The following LAMA5 variants were observed in gnomAD, a reference collection of about 807,000 sequenced individuals.
LAMA5 encodes the protein laminin subunit alpha-5.
LAMA5 carries 260 observed loss-of-function variants against 433.4 expected under a neutral mutation model. The observed-to-expected ratio is 0.60, with a 90% confidence interval of 0.54 to 0.66. The LOEUF (loss-of-function observed/expected upper bound fraction) is 0.66, where lower values mean the gene tolerates loss of function less well. Ranked by LOEUF, LAMA5 falls within the 30% of genes least tolerant of loss-of-function variation. The pLI is 0.00. For synonymous variants in LAMA5, 2,620 were observed against 2,226.6 expected, an observed-to-expected ratio of 1.18 and a Z score of -4.97; for missense variants, 5,378 against 5,258.5, an observed-to-expected ratio of 1.02 and a Z score of -0.70.
chr20:62,333,354 C>T, intron 25 of LAMA5, 21 bp downstream of exon 25: 1 of 1,605,690 alleles, frequency 6.2e-7, no homozygotes, highest in African/African-American at 1.4e-5. Flanking sequence ...ACCCCGGTCC[C>T]ACCGCACGCA....
Position 62,324,520 on chromosome 20 carries a change from C to A in LAMA5, c.5564G>T (p.Gly1855Val). ...AGGGACACATCGGCCCAGGAAGAGACCTTTGACGTCCCGATAGAAGCCGGG... is the reference window on the plus strand; with the variant it reads ...AGGGACACATCGGCCCAGGAAGAGAACTTTGACGTCCCGATAGAAGCCGGG... ...CAPGFYRDVK[G>V]LFLGRCVPCQ... Residue 1855 changes from glycine to valine, a missense_variant, in exon 42 of 80, where the codon GGT becomes GTT. By Grantham distance (109) the Gly-to-Val change is moderately radical. Coordinates refer to ENST00000252999, the MANE Select transcript of LAMA5 (RefSeq NM_005560.6). The surrounding 1 kb of genome is among the most constrained non-coding windows in gnomAD (Gnocchi z 4.4). The A allele has an allele frequency of 6.2e-7, 1 of 1,612,030 alleles. No individual in the cohort carries two copies. The highest frequency in any genetic ancestry group is 8.5e-7 in the Non-Finnish European group (1 of 1,179,614).
At chr20:62,337,183 C>CCA (rs1289356684) in intron 16 of LAMA5, among the ~76,000 whole-genome samples, 2 of 92,338 alleles carry the variant, frequency 2.2e-5, no homozygotes, top group African/African-American at 4.3e-5. Context: ...ATACGCGCAC[C>CCA]CACTTATGCG....
intron 28 of LAMA5, 122 bp downstream of exon 28, chr20:62,332,250 G>T: frequency 1.4e-6 from 1 of 691,150 alleles, no homozygotes; most frequent in African/African-American, 1.8e-5. Context: ...GCTGGGCTGG[G>T]CATGAGCGAG....
At chr20:62,330,393 T>A (rs1355751797) in intron 31 of LAMA5, 95 bp downstream of exon 31, 18 of 1,417,084 alleles carry the variant, frequency 1.3e-5, no homozygotes, top group Non-Finnish European at 1.7e-5. Flanking sequence ...ATGTTGCCTG[T>A]CGCTCATAGC....
intron 40 of LAMA5, among the ~76,000 whole-genome samples, chr20:62,326,232 C>G (rs201080512): frequency 1.1e-4 from 7 of 63,688 alleles, no homozygotes; most frequent in African/African-American, 1.4e-4. Flanking sequence ...AACAAACAAA[C>G]AAAAAAAAAA....
At position 62,318,644 on chromosome 20, in the gene LAMA5, G is replaced by A. The variant is rs1252560312; in HGVS notation, c.7049C>T (p.Ala2350Val). Residue 2350 changes from alanine to valine, a missense_variant, in exon 53 of 80, where the codon GCC becomes GTC. Coordinates refer to ENST00000252999, the MANE Select transcript of LAMA5 (RefSeq NM_005560.6). ...GCTGCTCAGCTGCTCCTGCACCCGG[G>A]CCAGCACTAGCCGAGACCAGGGTGA... ...AELAAAQRLL[A>V]RVQEQLSSLW... 6.2e-7 allele frequency: 1 copy of A among 1,609,528 alleles called. No individual in the cohort carries two copies.
chr20:62,333,713 G>A lies in LAMA5; in HGVS notation c.2879-7C>T, dbSNP rs200673450. 2.8e-4 allele frequency: 441 copies of A among 1,576,534 alleles called. 5 individuals carry two copies. The East Asian group carries it at 9.2e-3, about 33-fold the overall frequency. ...GGCTGACTCTGTGCTGTGCCTGGGC[G>A]GGGGCAGGGGTGAGACTCCTGAGCC... On this transcript the variant is annotated splice_region_variant and splice_polypyrimidine_tract_variant and intron_variant, in intron 23 of 79. Transcript: ENST00000252999.
chr20:62,366,633 G>T (rs561446142), intron 1 of LAMA5, among the ~76,000 whole-genome samples: 2 of 152,332 alleles, frequency 1.3e-5, no homozygotes, highest in South Asian at 4.1e-4. Context: ...GCCCTCCCCG[G>T]GATCCCGGAC....
At chr20:62,325,689 A>T in intron 40 of LAMA5, 143 bp from the exon 41 acceptor site, 1 of 568,818 alleles carries the variant, frequency 1.8e-6, no homozygotes, top group Non-Finnish European at 3.1e-6. Flanking sequence ...TAGAAAAACC[A>T]GTCTCCCATG....
rs1986487366 is a variant in LAMA5 at position 62,312,987 on chromosome 20, C to T, written c.8979G>A (p.Val2993=). Residue 2993 remains valine (V), a synonymous_variant, in exon 66 of 80, where the codon GTG becomes GTA. Coordinates refer to ENST00000252999, the MANE Select transcript of LAMA5 (RefSeq NM_005560.6). The part of the protein sequence containing the change: ...KQQSQFLCLA[V]QEGSLVLLYD... ...ACAACAGCACGAGGCTGCCTTCTTGCACGGCCAAGCACAGGAACTGGCTCT... is the reference window on the plus strand; with the variant it reads ...ACAACAGCACGAGGCTGCCTTCTTGTACGGCCAAGCACAGGAACTGGCTCT... 6.3e-7 allele frequency: 1 copy of T among 1,579,222 alleles called. No homozygotes were observed. The highest frequency in any genetic ancestry group is 2.2e-5 in the East Asian group (1 of 44,484).
Position 62,351,972 on chromosome 20 carries a change from A to ACGCAG in LAMA5, c.790_794dup (p.Thr266CysfsTer180). Reference sequence around the variant, plus strand: ...TGAGATGGCCCAGCAGCGTGTTGGTACGCAGGAAGCGCAGGCGGACGTTGG... The same window carrying ACGCAG: ...TGAGATGGCCCAGCAGCGTGTTGGTACGCAGCGCAGGAAGCGCAGGCGGACGTTGG... On this transcript the variant is annotated frameshift_variant, in exon 5 of 80. Transcript: ENST00000252999. LOFTEE classifies it high-confidence loss of function. 1 of 1,612,550 alleles carries ACGCAG rather than the reference A, an allele frequency of 6.2e-7. No homozygotes were observed. Among genetic ancestry groups the ACGCAG allele is most frequent in the South Asian group, 1.1e-5 (1 of 91,054 alleles).
rs1363248588 is a variant in LAMA5 at position 62,317,443 on chromosome 20, C to T, written c.7413G>A (p.Arg2471=). The T allele has an allele frequency of 3.1e-6, 5 of 1,597,122 alleles. No homozygotes were observed. Among genetic ancestry groups the T allele is most frequent in the East Asian group, 2.2e-5 (1 of 44,540 alleles). Residue 2471 remains arginine (R), a synonymous_variant, in exon 55 of 80, where the codon AGG becomes AGA. Coordinates refer to ENST00000252999, the MANE Select transcript of LAMA5 (RefSeq NM_005560.6). Reference sequence around the variant, plus strand: ...TGCCCGCCGGGGAGAAGGTCTGCATCCTCTGCAGCAGTGGGGTCCGAGCCC... The same window carrying T: ...TGCCCGCCGGGGAGAAGGTCTGCATTCTCTGCAGCAGTGGGGTCCGAGCCC... ...LDGARTPLLQ[R]MQTFSPAGSK... is the part of the protein sequence containing the mutation.
chr20:62,357,455 C>G (rs1424027488), intron 2 of LAMA5, among the ~76,000 whole-genome samples: 2 of 152,174 alleles, frequency 1.3e-5, no homozygotes, highest in Non-Finnish European at 2.9e-5. Context: ...TGTGCCTCCC[C>G]TCGAAGAGAC....
At chr20:62,351,622 A>G in intron 6 of LAMA5, 82 bp downstream of exon 6, 1 of 1,365,836 alleles carries the variant, frequency 7.3e-7, no homozygotes, top group Non-Finnish European at 1.0e-6. Context: ...ACCCACCCTC[A>G]GGTTAGGCAG....
At position 62,314,309 on chromosome 20, in the gene LAMA5, C is replaced by T. The variant is rs1986691483; in HGVS notation, c.8499G>A (p.Leu2833=). 1 of 1,613,018 alleles carries T rather than the reference C, an allele frequency of 6.2e-7. No individual in the cohort carries two copies. The highest frequency in any genetic ancestry group is 8.5e-7 in the Non-Finnish European group (1 of 1,179,764). ...DIGEQFAAVS[L]DRTLQFGHMS... ...CTCTCTCCTGGGCCTCCCACCTGTC[C>T]AGGCTGACAGCTGCGAACTGCTCCC... Residue 2833 remains leucine, a synonymous_variant, in exon 62 of 80, where the codon CTG becomes CTA. Coordinates refer to ENST00000252999, the MANE Select transcript of LAMA5 (RefSeq NM_005560.6).
In LAMA5 at chr20:62,311,442, G is replaced by A. The variant is rs1304404260; in HGVS notation, c.9901C>T (p.Pro3301Ser). 3 of 1,600,436 alleles carry A rather than the reference G, an allele frequency of 1.9e-6. No individual in the cohort carries two copies. The highest frequency in any genetic ancestry group is 1.7e-4 in the Middle Eastern group (1 of 6,014). The change falls in exon 72 of 80, where the codon CCG becomes TCG. Residue 3301 changes from proline to serine, a missense_variant. Physicochemically the swap from Pro to Ser is moderately conservative, Grantham distance 74. Coordinates refer to ENST00000252999, the MANE Select transcript of LAMA5 (RefSeq NM_005560.6). ...GCAPALQAQT[P>S]GLGPRGLQAT... is the part of the protein sequence containing the mutation. ...TGCAGTCCTCTAGGCCCCAGGCCCG[G>A]GGTCTGGGCTTGCAGGGCGGGTGCA...
rs141906709 is a variant in LAMA5 at position 62,351,999 on chromosome 20, G to T, written c.768C>A (p.Ala256=). The change falls in exon 5 of 80, where the codon GCC becomes GCA. Residue 256 remains alanine, a synonymous_variant. Transcript: ENST00000252999. Reference sequence around the variant, plus strand: ...GCAGGAAGCGCAGGCGGACGTTGGTGGCCTTGGTGAACTCACGTAGCAGCG... The same window carrying T: ...GCAGGAAGCGCAGGCGGACGTTGGTTGCCTTGGTGAACTCACGTAGCAGCG... ...YSPLLREFTK[A]TNVRLRFLRT... 2 of 1,612,574 alleles carry T rather than the reference G, an allele frequency of 1.2e-6. No homozygotes were observed. The highest frequency in any genetic ancestry group is 1.7e-6 in the Non-Finnish European group (2 of 1,179,934).
At chr20:62,317,641 G>A in intron 54 of LAMA5, 21 bp downstream of exon 54, 3 of 1,533,806 alleles carry the variant, frequency 2.0e-6, no homozygotes, top group African/African-American at 1.4e-5. Flanking sequence ...GGTGGCGACA[G>A]GGGCCAGGGG....
At chr20:62,351,630 C>T in intron 6 of LAMA5, 74 bp downstream of exon 6, 1 of 1,437,992 alleles carries the variant, frequency 7.0e-7, no homozygotes, top group Non-Finnish European at 9.6e-7. Flanking sequence ...TCAGGTTAGG[C>T]AGGGGTGACA....
Sources: gnomAD v4.1 joint callset for allele counts (sites outside exome capture counted in the v4.1 genomes callset) on GRCh38, gnomAD v4.1.1 for gene constraint, Gnocchi (gnomAD v3.1) non-coding constraint, MANE v1.5 for transcripts, NCBI Gene and HGNC (gene_info 2026-07-23, HGNC 2026-07-21) for gene names.